IPO7: variants seen among roughly 807,000 people sequenced by gnomAD.
IPO7 encodes importin 7, also known as importin-7.
In IPO7, 13 loss-of-function variants were observed where a neutral mutation model predicts 136.4. The ratio of observed to expected loss-of-function variants is 0.10; its 90% CI spans 0.06 to 0.15. The LOEUF is 0.15. Ranked by LOEUF, IPO7 falls within the 10% of genes least tolerant of loss-of-function variation. The pLI is 1.00. For missense variants in IPO7, 857 were observed against 1,240.6 expected (o/e 0.69, Z 4.65); for synonymous variants, 403 against 404.4 (o/e 1.00, Z 0.04).
chr11:9,394,210 G>A lies in IPO7; in HGVS notation c.85-9080G>A, dbSNP rs981858844. On this transcript the variant is annotated intron_variant, in intron 1 of 24. Transcript: ENST00000379719. ...TTTAAAATTATTATTAATTTTCCAC[G>A]CAGTCAGAGGGGAAAGCAATTTCTG... Among the ~76,000 whole-genome samples the A allele has an allele frequency of 4.6e-5, 7 of 152,080 alleles. No individual in the cohort carries two copies. The South Asian group carries it at 1.0e-3, about 23-fold the overall frequency.
intron 24 of IPO7, among the ~76,000 whole-genome samples, chr11:9,443,300 G>A (rs879283111): frequency 3.3e-5 from 5 of 151,992 alleles, no homozygotes; most frequent in African/African-American, 1.2e-4. Flanking sequence ...TGTTAAAAAT[G>A]TAAACACCTA....
In IPO7 at chr11:9,418,213, G is replaced by T. The variant is rs529313476; in HGVS notation, c.726+1065G>T. On this transcript the variant is annotated intron_variant, in intron 6 of 24. Coordinates refer to ENST00000379719, the MANE Select transcript of IPO7 (RefSeq NM_006391.3). ...GCCTCCCAAGTAGCTGGGATTACAG[G>T]TGCCTGTCACCATGCCTGGCTAACT... Among the ~76,000 whole-genome samples the T allele has an allele frequency of 2.4e-3, 362 of 151,812 alleles. 14 individuals carry two copies. Among genetic ancestry groups the T allele is most frequent in the Non-Finnish European group, 3.9e-3 (265 of 67,858 alleles).
rs374264509 is a variant in IPO7 at position 9,445,086 on chromosome 11, T to C, written c.3020-11T>C. 5.7e-6 allele frequency: 9 copies of C among 1,581,524 alleles called. No individual in the cohort carries two copies. Among genetic ancestry groups the C allele is most frequent in the African/African-American group, 1.3e-5 (1 of 74,232 alleles). ...ATTGAATGCCCTACTAAAATTTTATTTGTTTTCTAGAATCCAAAATGATTG... is the reference window on the plus strand; with the variant it reads ...ATTGAATGCCCTACTAAAATTTTATCTGTTTTCTAGAATCCAAAATGATTG... On this transcript the variant is annotated splice_polypyrimidine_tract_variant and intron_variant, in intron 24 of 24. Transcript: ENST00000379719.
intron 16 of IPO7, 110 bp downstream of exon 16, chr11:9,431,113 A>G: frequency 5.2e-6 from 4 of 768,934 alleles, no homozygotes; most frequent in Non-Finnish European, 8.4e-6. Flanking sequence ...TTTCCCTTTT[A>G]TAAAGATAAG....
intron 13 of IPO7, 155 bp from the exon 14 acceptor site, chr11:9,428,876 A>C (rs775414494): frequency 2.5e-6 from 2 of 808,820 alleles, no homozygotes; most frequent in South Asian, 2.7e-5. Context: ...GCCAAAGAGT[A>C]ACTTGGGATC....
chr11:9,401,586 C>T (rs1347615084), intron 1 of IPO7, among the ~76,000 whole-genome samples: 1 of 149,304 alleles, frequency 6.7e-6, no homozygotes, highest in Non-Finnish European at 1.5e-5. Context: ...AAATCAGAAG[C>T]AAATATGACA....
At chr11:9,385,517 C>T (rs1486996746) in intron 1 of IPO7, among the ~76,000 whole-genome samples, 1 of 152,200 alleles carries the variant, frequency 6.6e-6, no homozygotes, top group African/African-American at 2.4e-5. Flanking sequence ...TGGGAAGGAT[C>T]AGGTGAAGTG....
rs1291924803 is a variant in IPO7, at chr11:9,433,790, A to G, written c.2018A>G (p.Gln673Arg). 4 of 1,611,732 alleles carry G rather than the reference A, an allele frequency of 2.5e-6. No individual in the cohort carries two copies. In the Admixed American group the frequency reaches 6.7e-5, roughly 27 times the overall value. ...TCQQVSPQMWQLLPLVFEVFQ... is the reference protein window; with the variant it reads ...TCQQVSPQMWRLLPLVFEVFQ... ...CAACAAGTGTCTCCACAGATGTGGC[A>G]GCTACTACCCCTTGTATTTGAAGTC... The change falls in exon 18 of 25, where the codon CAG becomes CGG. Residue 673 changes from glutamine (Q) to arginine (R), a missense_variant. Gln to Arg is a conservative substitution (Grantham distance 43, BLOSUM62 1). This residue lies in a region of IPO7 where 190 missense variants were observed against 249.0 expected (regional missense o/e 0.76). Coordinates refer to ENST00000379719, the MANE Select transcript of IPO7 (RefSeq NM_006391.3).
intron 20 of IPO7, among the ~76,000 whole-genome samples, chr11:9,436,845 TATATATA>T (rs1423646541): frequency 2.0e-4 from 2 of 9,866 alleles, no homozygotes; most frequent in African/African-American, 6.3e-4. Flanking sequence ...CCTGATTTTA[TATATATA>T]TATATATATA....
At chr11:9,429,240 T>C in intron 14 of IPO7, 44 bp downstream of exon 14, 1 of 1,522,378 alleles carries the variant, frequency 6.6e-7, no homozygotes, top group Non-Finnish European at 9.0e-7. Flanking sequence ...GTTGGCCAGG[T>C]GCGGTAGGTC....
At chr11:9,428,947 A>G in intron 13 of IPO7, 84 bp from the exon 14 acceptor site, 5 of 1,252,574 alleles carry the variant, frequency 4.0e-6, no homozygotes, top group Non-Finnish European at 5.9e-6. Context: ...CCAAATTCCC[A>G]CACACAGAAC....
In IPO7 at chr11:9,448,088, T is replaced by A. The variant is rs1855554186; in HGVS notation, c.*2894T>A. On this transcript the variant is annotated 3_prime_UTR_variant, in exon 25 of 25. Coordinates refer to ENST00000379719, the MANE Select transcript of IPO7 (RefSeq NM_006391.3). ...ACAATGTCTTAAGTATAATAGGTAG[T>A]CTCTGTTTGTAAAATAAATGACTTA... The A allele has an allele frequency of 6.6e-6, 1 of 152,232 alleles. No homozygotes were observed. Among genetic ancestry groups the A allele is most frequent in the Non-Finnish European group, 1.5e-5 (1 of 68,042 alleles). 9.4% of individuals were successfully genotyped at this position (152,232 alleles called of 1,614,324 possible).
At chr11:9,403,944 C>CTCT (rs1050243532) in intron 2 of IPO7, among the ~76,000 whole-genome samples, 22 of 152,128 alleles carry the variant, frequency 1.4e-4, no homozygotes. Flanking sequence ...TCTCTGCAAC[C>CTCT]TCTGCCTCCC....
At chr11:9,440,685 A>G (rs760352044) in intron 23 of IPO7, 24 bp downstream of exon 23, 31 of 1,501,950 alleles carry the variant, frequency 2.1e-5, no homozygotes, top group Non-Finnish European at 2.6e-5. Context: ...TTACATGTGG[A>G]TCCATTTCAT....
rs1227850649 is a variant in IPO7, at chr11:9,384,659, C to T, written c.-105C>T. ...GCCTTGGCGCTTCTCTTTCCTTTCGCGCCGGTTGCCGCTGCGGAGCGCGGC... is the reference window on the plus strand; with the variant it reads ...GCCTTGGCGCTTCTCTTTCCTTTCGTGCCGGTTGCCGCTGCGGAGCGCGGC... On this transcript the variant is annotated 5_prime_UTR_variant, in exon 1 of 25. Coordinates refer to ENST00000379719, the MANE Select transcript of IPO7 (RefSeq NM_006391.3). 6 of 942,060 alleles carry T rather than the reference C, an allele frequency of 6.4e-6. No individual in the cohort carries two copies. In the African/African-American group the frequency reaches 8.6e-5, roughly 14 times the overall value. 58.4% of individuals were successfully genotyped at this position (942,060 alleles called of 1,614,324 possible).
At chr11:9,430,092 A>G (rs1300514347) in intron 15 of IPO7, among the ~76,000 whole-genome samples, 2 of 152,110 alleles carry the variant, frequency 1.3e-5, no homozygotes, top group African/African-American at 2.4e-5. Flanking sequence ...CACATTTCAC[A>G]GTAGGGTTCA....
At chr11:9,430,562 A>G (rs1855279508) in intron 15 of IPO7, 3 of 225,416 alleles carry the variant, frequency 1.3e-5, no homozygotes, top group Non-Finnish European at 2.6e-5. Context: ...GTTAACCAGT[A>G]ATATTAATGA....
intron 21 of IPO7, 30 bp from the exon 22 acceptor site, chr11:9,438,045 GTTTTT>G (rs202038310): frequency 0.012 from 12,900 of 1,084,088 alleles, 56 homozygotes; most frequent in Non-Finnish European, 0.013. Context: ...AAAGAAAACA[GTTTTT>G]TTTTTTTTTT....
chr11:9,406,174 G>A (rs1307104156), intron 2 of IPO7, among the ~76,000 whole-genome samples: 1 of 135,134 alleles, frequency 7.4e-6, no homozygotes, highest in African/African-American at 2.8e-5. Flanking sequence ...GCTGGTTTCG[G>A]CTTCCAAAGT....
Sources: gnomAD v4.1 joint callset for allele counts (sites outside exome capture counted in the v4.1 genomes callset) on GRCh38, gnomAD v4.1.1 for gene constraint, gnomAD v4.1.1 regional missense constraint, MANE v1.5 for transcripts, NCBI Gene and HGNC (gene_info 2026-07-23, HGNC 2026-07-21) for gene names.